Variants in ZNF451 observed in about 807,000 individuals in gnomAD.
The protein encoded by ZNF451 is zinc finger protein 451.
Under a neutral mutation model 107.1 loss-of-function variants are expected in ZNF451, and 80 were observed. The ratio of observed to expected loss-of-function variants is 0.75; its 90% CI spans 0.62 to 0.90. ZNF451 has a LOEUF of 0.90. Among genes scored for constraint, ZNF451 ranks in the 40% least tolerant of loss-of-function variants. ZNF451 has a pLI of 0.00. For synonymous variants in ZNF451, 362 were observed against 406.5 expected, an observed-to-expected ratio of 0.89 and a Z score of 1.32; for missense variants, 1,107 against 1,236.2, an observed-to-expected ratio of 0.90 and a Z score of 1.57.
chr6:57,154,578 A>G (rs1763308876), intron 13 of ZNF451: 1 of 154,742 alleles, frequency 6.5e-6, no homozygotes, highest in Non-Finnish European at 1.4e-5. Context: ...GAGATTGTTC[A>G]ATGAAAGGAG....
At chr6:57,096,235 A>G (rs1277153265) in intron 2 of ZNF451, among the ~76,000 whole-genome samples, 1 of 115,610 alleles carries the variant, frequency 8.6e-6, no homozygotes, top group African/African-American at 3.5e-5. Context: ...CCCAGGCTGG[A>G]GTGCAGTGGG....
chr6:57,131,865 C>T (rs957405546), intron 5 of ZNF451, among the ~76,000 whole-genome samples: 1 of 152,132 alleles, frequency 6.6e-6, no homozygotes, highest in Non-Finnish European at 1.5e-5. Flanking sequence ...GTCTGTGAAT[C>T]AGAATACTTG....
chr6:57,154,177 TCTTA>T (rs1427221108), intron 13 of ZNF451, 130 bp downstream of exon 13: 17 of 805,222 alleles, frequency 2.1e-5, no homozygotes, highest in Middle Eastern at 2.3e-4. Flanking sequence ...CTTACTTCTA[TCTTA>T]CTTATCTTTT....
At chr6:57,164,229 C>T (rs1763803743) in intron 14 of ZNF451, among the ~76,000 whole-genome samples, 2 of 152,348 alleles carry the variant, frequency 1.3e-5, no homozygotes, top group South Asian at 4.1e-4. Context: ...TGGATTCATA[C>T]TGCCTAAGTT....
At chr6:57,097,008 C>G (rs1363824851) in intron 2 of ZNF451, among the ~76,000 whole-genome samples, 1 of 151,534 alleles carries the variant, frequency 6.6e-6, no homozygotes, top group Non-Finnish European at 1.5e-5. Flanking sequence ...GACCTCAAGT[C>G]ATCTACCCAC....
chr6:57,146,385 C>G (rs376937342), intron 9 of ZNF451, among the ~76,000 whole-genome samples: 2 of 152,038 alleles, frequency 1.3e-5, no homozygotes. Flanking sequence ...AGGTTTTCTT[C>G]TAGAATTTTT....
At chr6:57,109,139 A>T (rs1179704465) in intron 3 of ZNF451, 1 of 985,374 alleles carries the variant, frequency 1.0e-6, no homozygotes, top group South Asian at 4.7e-5. Flanking sequence ...CTATCCTCTT[A>T]GTTCTCCCAT....
intron 5 of ZNF451, among the ~76,000 whole-genome samples, chr6:57,129,795 C>T (rs1207335270): frequency 2.0e-5 from 3 of 152,058 alleles, no homozygotes; most frequent in Non-Finnish European, 4.4e-5. Flanking sequence ...CCCTCCTGCC[C>T]CCAAAAACCT....
chr6:57,133,720 C>T (rs948076570), intron 6 of ZNF451, among the ~76,000 whole-genome samples: 5 of 152,162 alleles, frequency 3.3e-5, no homozygotes, highest in African/African-American at 1.2e-4. Context: ...GGATCTCACT[C>T]TGTCGCCCAG....
intron 3 of ZNF451, among the ~76,000 whole-genome samples, chr6:57,122,649 G>T (rs902091524): frequency 6.6e-6 from 1 of 152,150 alleles, no homozygotes; most frequent in African/African-American, 2.4e-5. Flanking sequence ...TCGTCAGAGA[G>T]ATGCAAATCA....
intron 9 of ZNF451, among the ~76,000 whole-genome samples, chr6:57,145,216 G>T (rs1832003655): frequency 6.6e-6 from 1 of 152,106 alleles, no homozygotes; most frequent in African/African-American, 2.4e-5. Flanking sequence ...TTGTGGAATA[G>T]TATGTGGTTT....
intron 3 of ZNF451, chr6:57,107,384 T>G: frequency 2.0e-6 from 2 of 983,936 alleles, no homozygotes; most frequent in Non-Finnish European, 2.4e-6. Context: ...ATATTCTAGT[T>G]TCTTCTAATG....
At chr6:57,162,930 C>T (rs1234443922) in intron 14 of ZNF451, among the ~76,000 whole-genome samples, 2 of 152,058 alleles carry the variant, frequency 1.3e-5, no homozygotes, top group East Asian at 3.8e-4. Flanking sequence ...CACTTTAAAC[C>T]TATAACTAGT....
chr6:57,118,512 A>G (rs940444763), intron 3 of ZNF451, among the ~76,000 whole-genome samples: 3 of 151,950 alleles, frequency 2.0e-5, no homozygotes, highest in Non-Finnish European at 4.4e-5. Flanking sequence ...CCCTTTTTTT[A>G]GAAGAGAGTC....
intron 3 of ZNF451, chr6:57,106,651 A>G (rs1829877994): frequency 1.0e-6 from 1 of 979,528 alleles, no homozygotes; most frequent in Admixed American, 6.5e-5. Context: ...ATATTTTGCC[A>G]CAGTCTCGCA....
chr6:57,112,927 G>A (rs546565606), intron 3 of ZNF451, among the ~76,000 whole-genome samples: 73 of 152,190 alleles, frequency 4.8e-4, no homozygotes, highest in Middle Eastern at 3.4e-3. Flanking sequence ...AAGCCACAAA[G>A]TAGTACAATG....
intron 2 of ZNF451, among the ~76,000 whole-genome samples, chr6:57,098,623 A>C (rs1829438212): frequency 6.6e-6 from 1 of 152,232 alleles, no homozygotes; most frequent in African/African-American, 2.4e-5. Context: ...ATGGAAAGAA[A>C]GAATGGAAAA....
chr6:57,108,560 G>A (rs867445643), intron 3 of ZNF451: 5 of 985,198 alleles, frequency 5.1e-6, no homozygotes, highest in Non-Finnish European at 6.0e-6. Flanking sequence ...CTACTGTTAG[G>A]TATGCAGCCC....
chr6:57,168,347 C>T (rs1454065058), intron 14 of ZNF451, 76 bp from the exon 15 acceptor site: 5 of 1,009,870 alleles, frequency 5.0e-6, no homozygotes, highest in African/African-American at 1.6e-5. Context: ...AGAATACAGT[C>T]GATGAAACTT....
Sources: gnomAD v4.1 joint callset for allele counts (sites outside exome capture counted in the v4.1 genomes callset) on GRCh38, gnomAD v4.1.1 for gene constraint, MANE v1.5 for transcripts, NCBI Gene and HGNC (gene_info 2026-07-23, HGNC 2026-07-21) for gene names.